Variants in DLGAP1 observed in about 807,000 individuals in gnomAD.
DLGAP1 encodes DLG associated protein 1.
In DLGAP1, 11 loss-of-function variants were observed where a neutral mutation model predicts 90.8. The observed-to-expected ratio is 0.12, with a 90% CI of 0.08 to 0.20. DLGAP1 has a LOEUF of 0.20. DLGAP1 is among the 10% of genes least tolerant of loss of function. The pLI is 1.00. For synonymous variants in DLGAP1, 558 were observed against 540.7 expected (o/e 1.03, Z -0.44); for missense variants, 1,050 against 1,333.8 (o/e 0.79, Z 3.31).
intron 6 of DLGAP1, among the ~76,000 whole-genome samples, chr18:3,736,493 A>ATG (rs1196364430): frequency 6.6e-5 from 10 of 152,164 alleles, no homozygotes; most frequent in Non-Finnish European, 1.2e-4. Flanking sequence ...TTGATGAATA[A>ATG]TGTGTCAGGT....
intron 1 of DLGAP1, among the ~76,000 whole-genome samples, chr18:4,247,743 C>A (rs1321852187): frequency 6.6e-6 from 1 of 152,048 alleles, no homozygotes; most frequent in East Asian, 1.9e-4. Flanking sequence ...CACCACTGCA[C>A]TCCAGCCCGG....
chr18:4,173,355 A>C (rs1204743492), intron 1 of DLGAP1, among the ~76,000 whole-genome samples: 1 of 152,180 alleles, frequency 6.6e-6, no homozygotes, highest in Admixed American at 6.5e-5. Context: ...AATTACAATC[A>C]GTCAAGGTAG....
chr18:3,759,909 CA>C (rs2063881157), intron 5 of DLGAP1, among the ~76,000 whole-genome samples: 1 of 152,156 alleles, frequency 6.6e-6, no homozygotes, highest in South Asian at 2.1e-4. Context: ...GCTGCAAGGG[CA>C]AAAACCTGGA....
At chr18:4,428,951 C>G (rs2144734299) in intron 1 of DLGAP1, among the ~76,000 whole-genome samples, 1 of 152,224 alleles carries the variant, frequency 6.6e-6, no homozygotes, top group South Asian at 2.1e-4. Flanking sequence ...ATAATGTAAG[C>G]CGGGAGAGGC....
At chr18:3,996,467 T>C (rs1015359378) in intron 3 of DLGAP1, among the ~76,000 whole-genome samples, 12 of 152,064 alleles carry the variant, frequency 7.9e-5, no homozygotes, top group Non-Finnish European at 1.0e-4. Flanking sequence ...TTTTAAGATA[T>C]CTATTTAGAT....
chr18:4,132,399 C>T (rs2076330440), intron 2 of DLGAP1, among the ~76,000 whole-genome samples: 2 of 152,166 alleles, frequency 1.3e-5, no homozygotes, highest in Non-Finnish European at 2.9e-5. Context: ...TGAACATAAA[C>T]TCTAAACTAT....
chr18:4,265,318 A>T (rs1224230098), intron 1 of DLGAP1, among the ~76,000 whole-genome samples: 1 of 151,680 alleles, frequency 6.6e-6, no homozygotes, highest in African/African-American at 2.4e-5. Context: ...GCAGGCGACC[A>T]CCACCACACC....
In DLGAP1 at chr18:3,879,676, G is replaced by A; in HGVS notation, c.393C>T (p.Arg131=). The change falls in exon 4 of 13, where the codon CGC becomes CGT. Residue 131 remains arginine, a synonymous_variant. Transcript: ENST00000315677. The surrounding 1 kb of genome is among the most constrained non-coding windows in gnomAD (Gnocchi z 6.6). Reference sequence around the variant, plus strand: ...GGCGGATGCGGCCGGGGCTGTCGCTGCGGTGCTCCACGGCCGTGCGCTTGT... The same window carrying A: ...GGCGGATGCGGCCGGGGCTGTCGCTACGGTGCTCCACGGCCGTGCGCTTGT... ...LQYKRTAVEH[R]SDSPGRIRHL... 1 of 1,607,028 alleles carries A rather than the reference G, an allele frequency of 6.2e-7. No individual in the cohort carries two copies. Among genetic ancestry groups the A allele is most frequent in the Non-Finnish European group, 8.5e-7 (1 of 1,179,594 alleles).
At chr18:4,449,005 C>T (rs1189590867) in intron 1 of DLGAP1, among the ~76,000 whole-genome samples, 3 of 152,144 alleles carry the variant, frequency 2.0e-5, no homozygotes, top group Non-Finnish European at 4.4e-5. Context: ...ACATAGGGGC[C>T]ACTGTCTCTG....
intron 1 of DLGAP1, among the ~76,000 whole-genome samples, chr18:4,185,327 C>T (rs1009515026): frequency 6.6e-6 from 1 of 151,338 alleles, no homozygotes; most frequent in Non-Finnish European, 1.5e-5. Context: ...CGTAGGTAAA[C>T]TTGCGTCATG....
intron 3 of DLGAP1, among the ~76,000 whole-genome samples, chr18:3,923,262 T>C (rs1052427182): frequency 8.6e-5 from 13 of 151,544 alleles, no homozygotes; most frequent in African/African-American, 3.1e-4. Context: ...TATAATAAAC[T>C]CTTAAATATC....
chr18:3,781,905 CAA>C (rs2065210492), intron 5 of DLGAP1, among the ~76,000 whole-genome samples: 1 of 152,134 alleles, frequency 6.6e-6, no homozygotes, highest in East Asian at 1.9e-4. Context: ...CATCTAGGTA[CAA>C]GGTACACACC....
intron 1 of DLGAP1, among the ~76,000 whole-genome samples, chr18:4,218,276 A>G (rs1461089765): frequency 1.3e-5 from 2 of 151,922 alleles, no homozygotes; most frequent in African/African-American, 4.8e-5. Flanking sequence ...CTTTTCACCA[A>G]TACTATGCTG....
intron 1 of DLGAP1, among the ~76,000 whole-genome samples, chr18:4,249,468 A>AG: frequency 7.2e-6 from 1 of 139,230 alleles, no homozygotes; most frequent in South Asian, 2.3e-4. Flanking sequence ...AAAAAAAAAA[A>AG]GTGAATATTG....
At chr18:4,024,680 A>G (rs965675486) in intron 2 of DLGAP1, among the ~76,000 whole-genome samples, 24 of 152,134 alleles carry the variant, frequency 1.6e-4, no homozygotes, top group Admixed American at 5.9e-4. Flanking sequence ...ACTAATGACT[A>G]CCACCTTCTG....
At chr18:4,021,779 A>G (rs1488053367) in intron 2 of DLGAP1, among the ~76,000 whole-genome samples, 1 of 151,984 alleles carries the variant, frequency 6.6e-6, no homozygotes, top group Non-Finnish European at 1.5e-5. Context: ...TTGTATTTTT[A>G]GTAGAGATAG....
intron 1 of DLGAP1, chr18:4,294,177 C>G (rs2079918683): frequency 6.6e-6 from 1 of 152,216 alleles, no homozygotes; most frequent in Non-Finnish European, 1.5e-5. Context: ...CCTCCTCATT[C>G]TTCCGAAAAT....
At chr18:4,261,554 T>C (rs911405655) in intron 1 of DLGAP1, among the ~76,000 whole-genome samples, 2 of 152,146 alleles carry the variant, frequency 1.3e-5, no homozygotes, top group Non-Finnish European at 1.5e-5. Flanking sequence ...AGAAAACATT[T>C]TGTGACCCCC....
rs910206061 is a variant in DLGAP1 at position 4,106,311 on chromosome 18, G to A, written c.-159+44869C>T. Among the ~76,000 whole-genome samples, 4 of 152,210 alleles carry A rather than the reference G, an allele frequency of 2.6e-5. No individual in the cohort carries two copies. The South Asian group carries it at 8.3e-4, about 32-fold the overall frequency. Reference sequence around the variant, plus strand: ...CCTCCAAGGGAAACTTCTGCCCTTGGAAATTCACCCCTTTTCCAATCATTA... The same window carrying A: ...CCTCCAAGGGAAACTTCTGCCCTTGAAAATTCACCCCTTTTCCAATCATTA... On this transcript the variant is annotated intron_variant, in intron 2 of 12. Transcript: ENST00000315677.
Sources: allele counts gnomAD v4.1 joint callset (sites outside exome capture counted in the v4.1 genomes callset), GRCh38; gene constraint gnomAD v4.1.1; non-coding constraint Gnocchi (gnomAD v3.1); transcripts MANE v1.5; gene names NCBI Gene and HGNC (gene_info 2026-07-23, HGNC 2026-07-21).